Variants in FAM114A1 observed in about 807,000 individuals in gnomAD.
FAM114A1 encodes the protein protein NOXP20.
In FAM114A1, 62 loss-of-function variants were observed where a neutral mutation model predicts 64.3. The ratio of observed to expected loss-of-function variants is 0.96; its 90% CI spans 0.79 to 1.19. The LOEUF (loss-of-function observed/expected upper bound fraction) is 1.19. Among genes scored for constraint, FAM114A1 ranks in the 50% most tolerant of loss-of-function variants. The probability of loss-of-function intolerance (pLI) is 0.00; values close to 1 mark genes in which losing one functional copy is unlikely to be tolerated. For synonymous variants in FAM114A1, 254 were observed against 251.1 expected (o/e 1.01, Z -0.11); for missense variants, 645 against 676.3 (o/e 0.95, Z 0.51).
At chr4:38,928,990 G>T in intron 9 of FAM114A1, 1 of 468,482 alleles carries the variant, frequency 2.1e-6, no homozygotes. Flanking sequence ...TGTTGCCTTT[G>T]GGTTGTCCTG....
chr4:38,906,000 G>A, intron 6 of FAM114A1, 139 bp downstream of exon 6: 1 of 666,914 alleles, frequency 1.5e-6, no homozygotes. Flanking sequence ...TTTTTTTAAT[G>A]TTTTCTGCTA....
intron 13 of FAM114A1, among the ~76,000 whole-genome samples, chr4:38,936,548 ATTTT>A (rs761417840): frequency 9.1e-6 from 1 of 110,290 alleles, no homozygotes; most frequent in Admixed American, 9.1e-5. Context: ...AAGAGTTTTC[ATTTT>A]TTTTTTTTTT....
chr4:38,873,020 G>A (rs545551997), intron 2 of FAM114A1, among the ~76,000 whole-genome samples: 2 of 152,306 alleles, frequency 1.3e-5, no homozygotes, highest in South Asian at 4.1e-4. Flanking sequence ...CTTTTTAGCA[G>A]CCCCCATCAA....
At chr4:38,941,356 T>C (rs938004456) in intron 14 of FAM114A1, among the ~76,000 whole-genome samples, 7 of 152,214 alleles carry the variant, frequency 4.6e-5, no homozygotes, top group Non-Finnish European at 8.8e-5. Context: ...GGATTATTGC[T>C]CATCGGTGAT....
At chr4:38,932,435 TAC>T (rs1222558910) in intron 12 of FAM114A1, 61 bp downstream of exon 12, 15 of 1,414,496 alleles carry the variant, frequency 1.1e-5, no homozygotes, top group Non-Finnish European at 1.4e-5. Context: ...ACCATTCAGA[TAC>T]ACACATACAC....
At chr4:38,934,333 A>G (rs79114083) in intron 12 of FAM114A1, among the ~76,000 whole-genome samples, 5,664 of 152,214 alleles carry the variant, frequency 0.037, 294 homozygotes, top group African/African-American at 0.12. Context: ...GCCCAAGAAC[A>G]TAGACTGAAT....
In FAM114A1 at chr4:38,923,380, G is replaced by A. The variant is rs188282122; in HGVS notation, c.1069+487G>A. Among the ~76,000 whole-genome samples, 1,333 of 151,870 alleles carry A rather than the reference G, an allele frequency of 8.8e-3. 18 individuals carry two copies. The highest frequency in any genetic ancestry group is 0.031 in the African/African-American group (1,264 of 41,362). On this transcript the variant is annotated intron_variant, in intron 9 of 14. Transcript: ENST00000358869. ...CTGGGATACAGGCGCTTGCCACCAC[G>A]CCCAGCTAATTTTTGTATTTTTAGT...
Position 38,944,112 on chromosome 4 carries a change from A to G in FAM114A1, c.*555A>G, listed in dbSNP as rs1427519723. The G allele has an allele frequency of 2.3e-5, 3 of 132,698 alleles. No homozygotes were observed. The Admixed American group carries it at 2.6e-4, about 12-fold the overall frequency. 8.2% of individuals were successfully genotyped at this position (132,698 alleles called of 1,614,324 possible). A position where few individuals can be genotyped will look rare whatever the true frequency, so the allele number is the denominator to read the frequency against. The stretch of plus-strand genomic sequence containing the variant: ...TGAGACAGAGTCTCACTCTGTCGCC[A>G]GGCTGGAGTGCGTTGGCACAATCTC... On this transcript the variant is annotated 3_prime_UTR_variant, in exon 15 of 15. Coordinates refer to ENST00000358869, the MANE Select transcript of FAM114A1 (RefSeq NM_138389.4).
intron 12 of FAM114A1, among the ~76,000 whole-genome samples, chr4:38,933,421 G>T (rs1720826547): frequency 6.6e-6 from 1 of 152,136 alleles, no homozygotes; most frequent in Admixed American, 6.5e-5. Flanking sequence ...CACTGCTCCT[G>T]GGGACTTATA....
In FAM114A1 at chr4:38,943,527, C is replaced by G. The variant is rs747055013; in HGVS notation, c.1662C>G (p.Ile554Met). The change falls in exon 15 of 15, where the codon ATC (isoleucine) becomes ATG (methionine). Residue 554 changes from isoleucine (I) to methionine (M), a missense_variant. Transcript: ENST00000358869. ...LLLPVLQVSH[I>M]QTSCLKAQP ...TGCCTGTTCTGCAGGTCTCACATAT[C>G]CAGACCAGTTGTTTGAAAGCACAGC... 3 of 1,614,050 alleles carry G rather than the reference C, an allele frequency of 1.9e-6. No individual in the cohort carries two copies. Among genetic ancestry groups the G allele is most frequent in the East Asian group, 2.2e-5 (1 of 44,880 alleles).
chr4:38,887,981 G>A (rs763363388), intron 3 of FAM114A1, among the ~76,000 whole-genome samples: 11 of 151,998 alleles, frequency 7.2e-5, no homozygotes, highest in Non-Finnish European at 1.3e-4. Context: ...CAAGTTATAC[G>A]CAGCACCTGA....
intron 8 of FAM114A1, among the ~76,000 whole-genome samples, chr4:38,922,529 A>G (rs1033870225): frequency 3.9e-5 from 6 of 152,216 alleles, no homozygotes; most frequent in Non-Finnish European, 8.8e-5. Context: ...AGTATTTCAC[A>G]TTTTGTATCT....
chr4:38,874,810 T>C (rs1406716795), intron 2 of FAM114A1, among the ~76,000 whole-genome samples: 1 of 152,198 alleles, frequency 6.6e-6, no homozygotes, highest in Non-Finnish European at 1.5e-5. Flanking sequence ...GTTTTGGGTT[T>C]TACATTTAAG....
chr4:38,908,773 A>C (rs772267735), intron 7 of FAM114A1, 47 bp downstream of exon 7: 34 of 1,471,312 alleles, frequency 2.3e-5, no homozygotes, highest in Non-Finnish European at 3.1e-5. Context: ...CAATAAAGTA[A>C]ATAAATTTTT....
chr4:38,936,072 T>C (rs1721057582), intron 13 of FAM114A1, among the ~76,000 whole-genome samples: 1 of 151,764 alleles, frequency 6.6e-6, no homozygotes, highest in Non-Finnish European at 1.5e-5. Flanking sequence ...TTTGTTTGTT[T>C]GTTTGATTTT....
Position 38,891,771 on chromosome 4 carries a change from G to T in FAM114A1, c.377G>T (p.Gly126Val), listed in dbSNP as rs766689920. The T allele has an allele frequency of 2.5e-6, 4 of 1,612,250 alleles. No individual in the cohort carries two copies. The highest frequency in any genetic ancestry group is 3.4e-6 in the Non-Finnish European group (4 of 1,179,296). ...GTGGATTCCCCTCCAAGTGGAGGAG[G>T]ATGGGCAGGCTGGGGATCCTGGGGC... ...LAVDSPPSGGGWAGWGSWGKS... is the reference protein window; with the variant it reads ...LAVDSPPSGGVWAGWGSWGKS... The change falls in exon 4 of 15, where the codon GGA (glycine) becomes GTA (valine). Residue 126 changes from glycine (G) to valine (V), a missense_variant. Gly to Val is a moderately radical substitution (Grantham distance 109). Coordinates refer to ENST00000358869, the MANE Select transcript of FAM114A1 (RefSeq NM_138389.4).
chr4:38,909,366 T>G, intron 7 of FAM114A1, among the ~76,000 whole-genome samples: 1 of 152,220 alleles, frequency 6.6e-6, no homozygotes, highest in East Asian at 1.9e-4. Flanking sequence ...GTCGGTATAA[T>G]AGGTGGAAAT....
chr4:38,883,655 C>T, intron 3 of FAM114A1, among the ~76,000 whole-genome samples: 1 of 152,144 alleles, frequency 6.6e-6, no homozygotes, highest in Admixed American at 6.5e-5. Flanking sequence ...GTTTAAATGC[C>T]ATAAAGTTAT....
At chr4:38,873,913 G>A (rs767524871) in intron 2 of FAM114A1, among the ~76,000 whole-genome samples, 43 of 152,156 alleles carry the variant, frequency 2.8e-4, no homozygotes, top group Admixed American at 6.5e-4. Flanking sequence ...AATTAGAGCC[G>A]TGAGGTGAAG....
Sources: gnomAD v4.1 joint callset for allele counts (sites outside exome capture counted in the v4.1 genomes callset) on GRCh38, gnomAD v4.1.1 for gene constraint, MANE v1.5 for transcripts, NCBI Gene and HGNC (gene_info 2026-07-23, HGNC 2026-07-21) for gene names.